RIMS1: variants seen among roughly 807,000 people sequenced by gnomAD.
RIMS1 encodes regulating synaptic membrane exocytosis 1.
RIMS1 carries 83 observed loss-of-function variants against 214.1 expected under a neutral mutation model. That is an observed-to-expected ratio of 0.39 (90% CI 0.32 to 0.47). The LOEUF (loss-of-function observed/expected upper bound fraction) is 0.47, where lower values mean the gene tolerates loss of function less well. RIMS1 is among the 20% of genes least tolerant of loss of function. The pLI, the probability that RIMS1 is intolerant of heterozygous loss-of-function variation, is 0.99. For synonymous variants in RIMS1, 793 were observed against 786.8 expected, an observed-to-expected ratio of 1.01 and a Z score of -0.13; for missense variants, 2,050 against 2,161.8, an observed-to-expected ratio of 0.95 and a Z score of 1.03.
chr6:72,194,889 C>G (rs969742243), intron 6 of RIMS1, among the ~76,000 whole-genome samples: 1 of 152,100 alleles, frequency 6.6e-6, no homozygotes, highest in Non-Finnish European at 1.5e-5. Context: ...TTGGGCATCT[C>G]TTGTCTTTTA....
intron 2 of RIMS1, among the ~76,000 whole-genome samples, chr6:72,018,000 A>T (rs940901396): frequency 6.6e-6 from 1 of 152,168 alleles, no homozygotes; most frequent in African/African-American, 2.4e-5. Context: ...GGCACTTTGG[A>T]TTCTGCTTTG....
At chr6:72,001,640 T>C (rs1805298109) in intron 2 of RIMS1, among the ~76,000 whole-genome samples, 1 of 152,218 alleles carries the variant, frequency 6.6e-6, no homozygotes, top group African/African-American at 2.4e-5. Context: ...CAAGCATTTA[T>C]TCCTATAGGT....
intron 4 of RIMS1, among the ~76,000 whole-genome samples, chr6:72,173,458 T>C (rs901943324): frequency 3.0e-4 from 45 of 152,094 alleles, no homozygotes; most frequent in Non-Finnish European, 1.2e-4. Flanking sequence ...TTATTTCATG[T>C]GTTTTATCTC....
intron 1 of RIMS1, among the ~76,000 whole-genome samples, chr6:71,940,931 T>A (rs1398968370): frequency 6.6e-6 from 1 of 152,154 alleles, no homozygotes; most frequent in Non-Finnish European, 1.5e-5. Flanking sequence ...AGAAAAAGTT[T>A]ATAATTGCAA....
chr6:72,095,350 G>T (rs1459155517), intron 2 of RIMS1, among the ~76,000 whole-genome samples: 2 of 152,108 alleles, frequency 1.3e-5, no homozygotes, highest in African/African-American at 4.8e-5. Context: ...AGTGCCCACA[G>T]TTGTTTTCTA....
intron 11 of RIMS1, 50 bp downstream of exon 11, chr6:72,245,911 G>A (rs2069340530): frequency 6.2e-6 from 8 of 1,300,786 alleles, no homozygotes; most frequent in Non-Finnish European, 8.9e-6. Context: ...CTAATTGAAA[G>A]TAAAGATTTC....
intron 4 of RIMS1, among the ~76,000 whole-genome samples, chr6:72,138,694 A>T (rs891761687): frequency 2.0e-5 from 3 of 152,194 alleles, no homozygotes; most frequent in Non-Finnish European, 4.4e-5. Context: ...AAATTTGCAT[A>T]AGGCACATTA....
intron 29 of RIMS1, among the ~76,000 whole-genome samples, chr6:72,374,470 C>T (rs566217339): frequency 6.6e-6 from 1 of 152,332 alleles, no homozygotes; most frequent in African/African-American, 2.4e-5. Context: ...ATTGGTGTCA[C>T]ACAACCTGCC....
chr6:72,009,673 T>G (rs188425359), intron 2 of RIMS1, among the ~76,000 whole-genome samples: 4 of 152,254 alleles, frequency 2.6e-5, no homozygotes, highest in South Asian at 2.1e-4. Flanking sequence ...AAATACAAAC[T>G]ACTATCAGAG....
intron 2 of RIMS1, among the ~76,000 whole-genome samples, chr6:72,056,178 A>T (rs1826121014): frequency 2.0e-5 from 3 of 152,080 alleles, no homozygotes; most frequent in Admixed American, 6.6e-5. Flanking sequence ...ACTAAATACC[A>T]TATTTTCTCC....
chr6:72,098,799 T>C (rs1463205190), intron 3 of RIMS1, among the ~76,000 whole-genome samples: 8 of 152,256 alleles, frequency 5.3e-5, no homozygotes, highest in Non-Finnish European at 1.2e-4. Context: ...CCCATTCTTA[T>C]GACTCCATAA....
chr6:71,894,558 G>A (rs767443964), intron 1 of RIMS1, among the ~76,000 whole-genome samples: 15 of 152,180 alleles, frequency 9.9e-5, no homozygotes, highest in Non-Finnish European at 1.9e-4. Flanking sequence ...TAGTAGTTAT[G>A]AATTGCGACT....
At chr6:72,009,215 T>G (rs1809232861) in intron 2 of RIMS1, among the ~76,000 whole-genome samples, 1 of 152,166 alleles carries the variant, frequency 6.6e-6, no homozygotes, top group African/African-American at 2.4e-5. Flanking sequence ...AACCTGCTCC[T>G]GAATGACTAC....
chr6:72,187,594 A>G (rs1489514350), intron 6 of RIMS1, among the ~76,000 whole-genome samples: 1 of 148,906 alleles, frequency 6.7e-6, no homozygotes, highest in East Asian at 2.1e-4. Context: ...CCTGAGTTCA[A>G]GTGATTCTAC....
intron 2 of RIMS1, among the ~76,000 whole-genome samples, chr6:72,064,530 GGAA>G (rs1032868871): frequency 3.9e-5 from 6 of 152,152 alleles, no homozygotes. Flanking sequence ...ATGCATAAAG[GGAA>G]GAAGATCAGC....
chr6:72,106,005 C>T (rs780132505), intron 4 of RIMS1, among the ~76,000 whole-genome samples: 1 of 152,070 alleles, frequency 6.6e-6, no homozygotes, highest in Non-Finnish European at 1.5e-5. Flanking sequence ...AAAATATGTT[C>T]TAAAGCTTGT....
chr6:72,372,785 G>A lies in RIMS1; in HGVS notation c.4367-17813G>A, dbSNP rs72653180. Among the ~76,000 whole-genome samples the A allele has an allele frequency of 9.9e-3, 1,508 of 152,256 alleles. 185 individuals are homozygous for A. The East Asian group carries it at 0.24, about 24-fold the overall frequency. The stretch of plus-strand genomic sequence containing the variant: ...TGTTGGGAAACTATATATGGCTGCC[G>A]CCAGGTTGCATGACCTGTTACATAA... On this transcript the variant is annotated intron_variant, in intron 29 of 33. Coordinates refer to ENST00000521978, the MANE Select transcript of RIMS1 (RefSeq NM_014989.7).
At chr6:71,947,513 A>G (rs114859584) in intron 1 of RIMS1, among the ~76,000 whole-genome samples, 3,269 of 152,226 alleles carry the variant, frequency 0.021, 117 homozygotes, top group African/African-American at 0.073. Context: ...TCAGAAACAA[A>G]GAATAAAATG....
intron 1 of RIMS1, among the ~76,000 whole-genome samples, chr6:71,959,254 C>A (rs1792195397): frequency 6.6e-6 from 1 of 152,084 alleles, no homozygotes; most frequent in African/African-American, 2.4e-5. Context: ...AAAATAGTTA[C>A]AATTAATTGA....
Sources: gnomAD v4.1 joint callset for allele counts (sites outside exome capture counted in the v4.1 genomes callset) on GRCh38, gnomAD v4.1.1 for gene constraint, MANE v1.5 for transcripts, NCBI Gene and HGNC (gene_info 2026-07-23, HGNC 2026-07-21) for gene names.